Variants in LRMDA observed in about 807,000 individuals in gnomAD.
LRMDA encodes leucine rich melanocyte differentiation associated, also known as leucine-rich melanocyte differentiation-associated protein.
A neutral mutation model predicts 29.8 loss-of-function variants in LRMDA; 18 were observed. That is an observed-to-expected ratio of 0.60 (90% confidence interval 0.42 to 0.90). LRMDA has a LOEUF of 0.90. Ranked by LOEUF, LRMDA falls within the 40% of genes least tolerant of loss-of-function variation. The probability of loss-of-function intolerance (pLI) is 0.00; values close to 1 mark genes in which losing one functional copy is unlikely to be tolerated. For synonymous variants in LRMDA, 125 were observed against 109.4 expected (o/e 1.14, Z -0.89); for missense variants, 273 against 273.9 (o/e 1.00, Z 0.02).
chr10:76,091,114 G>A (rs1849223670), intron 5 of LRMDA, among the ~76,000 whole-genome samples: 1 of 152,168 alleles, frequency 6.6e-6, no homozygotes, highest in Admixed American at 6.5e-5. Flanking sequence ...GAACAAATTA[G>A]TAAACACTGT....
In LRMDA at chr10:76,264,437, A is replaced by C. The variant is rs1351089499; in HGVS notation, c.517-59964A>C. Among the ~76,000 whole-genome samples the C allele has an allele frequency of 1.8e-3, 186 of 101,406 alleles. 1 individual carries two copies. Among genetic ancestry groups the C allele is most frequent in the African/African-American group, 7.2e-3 (177 of 24,576 alleles). The allele number at this position is 101,406 out of a possible 152,430, so 66.5% of individuals were successfully genotyped here. A position where few individuals can be genotyped will look rare whatever the true frequency, so the allele number is the denominator to read the frequency against. On this transcript the variant is annotated intron_variant, in intron 5 of 6. Coordinates refer to ENST00000611255, the MANE Select transcript of LRMDA (RefSeq NM_001305581.2). The stretch of plus-strand genomic sequence containing the variant: ...AAAAAAAAAAAAAAAAAAAAAAAAA[A>C]AAAAAAAAAAAAAAAAAAAACACGG...
At chr10:75,589,758 T>TAAAA (rs35782401) in intron 2 of LRMDA, among the ~76,000 whole-genome samples, 2,756 of 106,406 alleles carry the variant, frequency 0.026, 85 homozygotes, top group African/African-American at 0.069. Flanking sequence ...AGACCCTGTC[T>TAAAA]AAAAAAAATA....
intron 5 of LRMDA, among the ~76,000 whole-genome samples, chr10:76,143,206 T>C (rs571213808): frequency 9.2e-5 from 14 of 152,226 alleles, no homozygotes; most frequent in African/African-American, 2.9e-4. Context: ...GGTATATACC[T>C]AGTAATAGGA....
intron 6 of LRMDA, among the ~76,000 whole-genome samples, chr10:76,357,163 C>T (rs1841251807): frequency 1.3e-5 from 2 of 152,072 alleles, no homozygotes; most frequent in African/African-American, 2.4e-5. Context: ...GGTGGGGGTG[C>T]GATCAGGAGA....
chr10:75,690,275 C>G (rs941327431), intron 2 of LRMDA, among the ~76,000 whole-genome samples: 3 of 152,070 alleles, frequency 2.0e-5, no homozygotes. Flanking sequence ...TAGTCAGTGG[C>G]AAAGTTGGGG....
At chr10:76,156,010 G>T (rs1023957114) in intron 5 of LRMDA, among the ~76,000 whole-genome samples, 2 of 152,142 alleles carry the variant, frequency 1.3e-5, no homozygotes, top group African/African-American at 2.4e-5. Context: ...GTTGGATATG[G>T]TTCATCTGGG....
intron 2 of LRMDA, among the ~76,000 whole-genome samples, chr10:75,785,620 C>G (rs778114773): frequency 7.9e-5 from 12 of 152,186 alleles, no homozygotes; most frequent in Non-Finnish European, 1.5e-4. Flanking sequence ...CCTGTGTTAT[C>G]TAACTGACTA....
At chr10:76,194,221 G>A (rs925634098) in intron 5 of LRMDA, among the ~76,000 whole-genome samples, 3 of 152,126 alleles carry the variant, frequency 2.0e-5, no homozygotes, top group South Asian at 2.1e-4. Flanking sequence ...GAGTTATTTC[G>A]GATGGACAAG....
rs572959477 is a variant in LRMDA, at chr10:76,394,094, C to G, written c.601+69609C>G. On this transcript the variant is annotated intron_variant, in intron 6 of 6. Transcript: ENST00000611255. The stretch of plus-strand genomic sequence containing the variant: ...CCTCTTCACACTTGCCATTAATAGC[C>G]CAGTGCAGCCAGAATGAACAAGGTG... 1.6e-3 allele frequency among the ~76,000 whole-genome samples: 248 copies of G among 152,230 alleles called. 1 individual carries two copies. The highest frequency in any genetic ancestry group is 3.9e-3 in the Admixed American group (59 of 15,282).
At chr10:75,723,970 A>G (rs750313704) in intron 2 of LRMDA, among the ~76,000 whole-genome samples, 2 of 152,224 alleles carry the variant, frequency 1.3e-5, no homozygotes, top group Non-Finnish European at 2.9e-5. Flanking sequence ...AACCTTGAGT[A>G]TCGGATTGTT....
At chr10:75,964,644 T>G (rs951438073) in intron 2 of LRMDA, among the ~76,000 whole-genome samples, 3 of 152,220 alleles carry the variant, frequency 2.0e-5, no homozygotes, top group Non-Finnish European at 4.4e-5. Context: ...CCCCCGTACA[T>G]GCACAGAGAA....
intron 2 of LRMDA, among the ~76,000 whole-genome samples, chr10:75,542,509 C>A (rs974780906): frequency 2.6e-4 from 39 of 151,882 alleles, no homozygotes; most frequent in African/African-American, 9.4e-4. Flanking sequence ...TCTAGACAAC[C>A]CCACTCTGAA....
chr10:76,434,679 C>G (rs1311148401), intron 6 of LRMDA, among the ~76,000 whole-genome samples: 1 of 152,182 alleles, frequency 6.6e-6, no homozygotes, highest in African/African-American at 2.4e-5. Context: ...CAGGCTCTGG[C>G]AAGATGCTCA....
chr10:76,286,611 A>G (rs1185894191), intron 5 of LRMDA, among the ~76,000 whole-genome samples: 2 of 152,122 alleles, frequency 1.3e-5, no homozygotes, highest in Non-Finnish European at 2.9e-5. Context: ...AGCTCACTTC[A>G]ATAGCAAAAA....
chr10:75,743,130 G>T (rs375397577), intron 2 of LRMDA, among the ~76,000 whole-genome samples: 11 of 152,088 alleles, frequency 7.2e-5, no homozygotes, highest in African/African-American at 2.4e-4. Context: ...GAGCTGGGAG[G>T]GGGTGGTAAG....
At chr10:75,972,319 C>T (rs1846988926) in intron 2 of LRMDA, among the ~76,000 whole-genome samples, 3 of 151,494 alleles carry the variant, frequency 2.0e-5, no homozygotes, top group Admixed American at 2.0e-4. Context: ...GCGAGAAAAC[C>T]TCTCCTTAAC....
chr10:75,741,448 A>C (rs558301388), intron 2 of LRMDA, among the ~76,000 whole-genome samples: 1 of 151,956 alleles, frequency 6.6e-6, no homozygotes, highest in South Asian at 2.1e-4. Context: ...AAAAAAAAAA[A>C]GGCTCACATG....
At chr10:75,968,473 A>G (rs977573887) in intron 2 of LRMDA, among the ~76,000 whole-genome samples, 11 of 152,180 alleles carry the variant, frequency 7.2e-5, no homozygotes, top group Admixed American at 7.2e-4. Context: ...CTTAAGTTCC[A>G]GAGTGATAGA....
At chr10:75,902,478 C>T (rs531985043) in intron 2 of LRMDA, among the ~76,000 whole-genome samples, 24 of 152,148 alleles carry the variant, frequency 1.6e-4, no homozygotes, top group Admixed American at 2.6e-4. Flanking sequence ...AAAGCAGTAC[C>T]GGACATGCAT....
Sources: gnomAD v4.1 joint callset for allele counts (sites outside exome capture counted in the v4.1 genomes callset) on GRCh38, gnomAD v4.1.1 for gene constraint, MANE v1.5 for transcripts, NCBI Gene and HGNC (gene_info 2026-07-23, HGNC 2026-07-21) for gene names.